CFAP70: variants seen among roughly 807,000 people sequenced by gnomAD.
The protein encoded by CFAP70 is cilia- and flagella-associated protein 70.
In CFAP70, 81 loss-of-function variants were observed where a neutral mutation model predicts 137.6. That is an observed-to-expected ratio of 0.59 (90% confidence interval 0.49 to 0.71). The LOEUF is 0.71. CFAP70 is among the 30% of genes least tolerant of loss of function. The pLI, the probability that CFAP70 is intolerant of heterozygous loss-of-function variation, is 0.00. For synonymous variants in CFAP70, 382 were observed against 423.6 expected (o/e 0.90, Z 1.20); for missense variants, 976 against 1,226.7 (o/e 0.80, Z 3.05).
At chr10:73,277,419 A>C in intron 20 of CFAP70, 58 bp from the exon 22 acceptor site, 2 of 1,578,244 alleles carry the variant, frequency 1.3e-6, no homozygotes, top group South Asian at 2.3e-5. Flanking sequence ...AGTGTCAGAA[A>C]TTCAGACACA....
At chr10:73,355,625 A>AC (rs1268117836) in intron 1 of CFAP70, among the ~76,000 whole-genome samples, 1 of 152,152 alleles carries the variant, frequency 6.6e-6, no homozygotes, top group African/African-American at 2.4e-5. Context: ...AAAAATTCAA[A>AC]AATTAGCCAG....
chr10:73,308,826 C>A lies in CFAP70; in HGVS notation c.1256+1332G>T, dbSNP rs540401703. On this transcript the variant is annotated intron_variant, in intron 12 of 26. Transcript: ENST00000310715. The stretch of plus-strand genomic sequence containing the variant: ...AAGAGAAATGAAAAAAAAAAAAAAA[C>A]CTTTAGACAAATGAAAACAAAAACC... 2.6e-3 allele frequency among the ~76,000 whole-genome samples: 337 copies of A among 131,776 alleles called. 2 individuals are homozygous for A. Among genetic ancestry groups the A allele is most frequent in the African/African-American group, 9.1e-3 (311 of 34,114 alleles). The allele number at this position is 131,776 out of a possible 152,430, so 86.5% of individuals were successfully genotyped here.
intron 9 of CFAP70, among the ~76,000 whole-genome samples, chr10:73,313,495 A>C (rs1434929784): frequency 6.7e-6 from 1 of 148,752 alleles, no homozygotes; most frequent in Non-Finnish European, 1.5e-5. Context: ...GTGAGCCATG[A>C]CTACACCACT....
intron 1 of CFAP70, among the ~76,000 whole-genome samples, chr10:73,356,780 CAAT>C (rs894830772): frequency 2.6e-5 from 4 of 152,156 alleles, no homozygotes; most frequent in Non-Finnish European, 4.4e-5. Flanking sequence ...CTTTCCTTTT[CAAT>C]AATATGGCAT....
intron 2 of CFAP70, 143 bp from the exon 3 acceptor site, chr10:73,353,885 A>T (rs1365908950): frequency 2.0e-5 from 14 of 698,892 alleles, no homozygotes; most frequent in Non-Finnish European, 3.3e-5. Flanking sequence ...AGGAATAGGT[A>T]GAAAAATCAT....
rs1242915791 is a variant in CFAP70 at position 73,291,971 on chromosome 10, T to C, written c.1814A>G (p.Tyr605Cys). The C allele has an allele frequency of 6.8e-6, 11 of 1,614,058 alleles. No individual in the cohort carries two copies. Among genetic ancestry groups the C allele is most frequent in the African/African-American group, 2.7e-5 (2 of 74,940 alleles). The change falls in exon 17 of 27, where the codon TAT becomes TGT. Residue 605 changes from tyrosine to cysteine, a missense_variant. Coordinates refer to ENST00000310715, the Ensembl canonical transcript of CFAP70. ...TTCAGTTAGGAGGCAGAAGGCACCA[T>C]AGTCCAACCAGTGATCCAGATTCTG...
In CFAP70 at chr10:73,341,309, A is replaced by G. The variant is rs1414483505; in HGVS notation, c.582+90T>C. The G allele has an allele frequency of 4.3e-6, 5 of 1,155,288 alleles. No individual in the cohort carries two copies. The African/African-American group carries it at 4.6e-5, about 11-fold the overall frequency. The allele number at this position is 1,155,288 out of a possible 1,614,324, so 71.6% of individuals were successfully genotyped here. On this transcript the variant is annotated intron_variant, in intron 6 of 26. Coordinates refer to ENST00000310715, the Ensembl canonical transcript of CFAP70. ...CATGTAAGTATTTCGACAGGTGACA[A>G]ATGTATATAAATTACAGTAATTCAC...
At position 73,316,964 on chromosome 10, in the gene CFAP70, A is replaced by G. The variant is rs542721069; in HGVS notation, c.913-4321T>C. ...CCTCCTTTAGTATTTCTTGCAAGGC[A>G]TGTTTCCTAGCAACAAATTCTTTCA... On this transcript the variant is annotated intron_variant, in intron 9 of 26. Transcript: ENST00000310715. Among the ~76,000 whole-genome samples, 8 of 152,216 alleles carry G rather than the reference A, an allele frequency of 5.3e-5. No homozygotes were observed. In the South Asian group the frequency reaches 1.7e-3, roughly 32 times the overall value.
chr10:73,310,367 T>C (rs2049807072), intron 11 of CFAP70, 118 bp from the exon 13 acceptor site: 3 of 570,314 alleles, frequency 5.3e-6, no homozygotes, highest in Non-Finnish European at 6.0e-6. Flanking sequence ...TAACTACATA[T>C]ACAGTGTGAT....
At chr10:73,321,536 C>A (rs1344252281) in intron 9 of CFAP70, among the ~76,000 whole-genome samples, 3 of 152,092 alleles carry the variant, frequency 2.0e-5, no homozygotes, top group African/African-American at 7.2e-5. Flanking sequence ...AAATTTATTA[C>A]TGAAAAATAG....
upstream of CFAP70, among the ~76,000 whole-genome samples, chr10:73,361,414 TC>T: frequency 6.7e-6 from 1 of 150,318 alleles, no homozygotes; most frequent in East Asian, 2.0e-4. Flanking sequence ...CACCTCAGCC[TC>T]CCGTGTGTGT....
rs960321023 is a variant in CFAP70 at position 73,287,413 on chromosome 10, G to A, written c.2239+3813C>T. Among the ~76,000 whole-genome samples, 14 of 152,270 alleles carry A rather than the reference G, an allele frequency of 9.2e-5. No individual in the cohort carries two copies. The South Asian group carries it at 1.2e-3, about 14-fold the overall frequency. ...TATGTGATTCATCATTGACTGAAAC[G>A]TTATGTGGTACATGACCACATTTTT... On this transcript the variant is annotated intron_variant, in intron 19 of 26. Coordinates refer to ENST00000310715, the Ensembl canonical transcript of CFAP70.
intron 15 of CFAP70, chr10:73,295,337 GAGAAAGAA>G (rs1401325807): frequency 1.5e-5 from 2 of 132,594 alleles, no homozygotes; most frequent in African/African-American, 5.6e-5. Flanking sequence ...GAGAGAGAAA[GAGAAAGAA>G]AGAAATGAAG....
chr10:73,266,675 C>T (rs2045808188), intron 25 of CFAP70, among the ~76,000 whole-genome samples: 1 of 151,966 alleles, frequency 6.6e-6, no homozygotes, highest in East Asian at 1.9e-4. Context: ...TTAATTTTAG[C>T]CAATGATTTA....
intron 1 of CFAP70, among the ~76,000 whole-genome samples, chr10:73,356,366 T>G (rs2054679760): frequency 2.0e-5 from 3 of 152,198 alleles, no homozygotes; most frequent in Admixed American, 2.0e-4. Context: ...GCCCAGCTAA[T>G]TTTTGTATTT....
chr10:73,276,636 C>A (rs2046768798), intron 21 of CFAP70: 1 of 152,122 alleles, frequency 6.6e-6, no homozygotes, highest in Non-Finnish European at 1.5e-5. Context: ...AGGATCAAAA[C>A]CAAACACTCC....
At chr10:73,334,128 T>C (rs1314015180) in intron 7 of CFAP70, among the ~76,000 whole-genome samples, 1 of 152,222 alleles carries the variant, frequency 6.6e-6, no homozygotes, top group Non-Finnish European at 1.5e-5. Context: ...TGTATATATA[T>C]TGGTAATCCC....
intron 14 of CFAP70, 59 bp from the exon 16 acceptor site, chr10:73,297,232 G>T: frequency 1.3e-6 from 2 of 1,551,920 alleles, no homozygotes; most frequent in East Asian, 2.3e-5. Context: ...CTGAGAGCAC[G>T]GGTCTCTCTA....
At chr10:73,334,660 A>G (rs942434634) in intron 7 of CFAP70, among the ~76,000 whole-genome samples, 1 of 151,100 alleles carries the variant, frequency 6.6e-6, no homozygotes, top group Non-Finnish European at 1.5e-5. Flanking sequence ...GCTCACTACA[A>G]CCTCCACCTC....
Sources: allele counts gnomAD v4.1 joint callset (sites outside exome capture counted in the v4.1 genomes callset), GRCh38; gene constraint gnomAD v4.1.1; transcripts MANE v1.5; gene names NCBI Gene and HGNC (gene_info 2026-07-23, HGNC 2026-07-21).